FBXL7: variants seen among roughly 807,000 people sequenced by gnomAD.
The protein encoded by FBXL7 is F-box/LRR-repeat protein 7.
In FBXL7, 12 loss-of-function variants were observed where a neutral mutation model predicts 38.3. That is an observed-to-expected ratio of 0.31 (90% CI 0.20 to 0.51). The LOEUF (loss-of-function observed/expected upper bound fraction) is 0.51, where lower values mean the gene tolerates loss of function less well. Ranked by LOEUF, FBXL7 falls within the 20% of genes least tolerant of loss-of-function variation. The pLI is 0.98. For synonymous variants in FBXL7, 297 were observed against 300.9 expected, an observed-to-expected ratio of 0.99 and a Z score of 0.13; for missense variants, 567 against 676.4, an observed-to-expected ratio of 0.84 and a Z score of 1.79.
chr5:15,669,247 G>C (rs1276188996), intron 2 of FBXL7, among the ~76,000 whole-genome samples: 1 of 152,114 alleles, frequency 6.6e-6, no homozygotes, highest in Non-Finnish European at 1.5e-5. Flanking sequence ...TCTTATTGAG[G>C]TATGATTGAC....
chr5:15,665,120 G>T (rs997705356), intron 2 of FBXL7, among the ~76,000 whole-genome samples: 2 of 152,144 alleles, frequency 1.3e-5, no homozygotes, highest in South Asian at 4.1e-4. Context: ...ATAAAAGAGA[G>T]ATTCAGGGAA....
intron 2 of FBXL7, among the ~76,000 whole-genome samples, chr5:15,759,271 G>T (rs1340926238): frequency 6.6e-6 from 1 of 152,070 alleles, no homozygotes; most frequent in African/African-American, 2.4e-5. Context: ...AAATGAAAAA[G>T]TGTAAATAGT....
At chr5:15,763,387 G>T (rs1407838812) in intron 2 of FBXL7, among the ~76,000 whole-genome samples, 1 of 152,184 alleles carries the variant, frequency 6.6e-6, no homozygotes, top group African/African-American at 2.4e-5. Flanking sequence ...ACATAAATAA[G>T]TGTGTTAGAA....
intron 2 of FBXL7, among the ~76,000 whole-genome samples, chr5:15,730,952 C>G (rs1468604536): frequency 2.6e-5 from 4 of 152,120 alleles, no homozygotes; most frequent in Non-Finnish European, 5.9e-5. Context: ...AACTCCATGC[C>G]TATCATGAAG....
At chr5:15,555,180 G>A (rs998253623) in intron 1 of FBXL7, among the ~76,000 whole-genome samples, 3 of 152,120 alleles carry the variant, frequency 2.0e-5, no homozygotes, top group Admixed American at 6.5e-5. Context: ...ACTCACACAT[G>A]TGTGCACGCA....
intron 1 of FBXL7, among the ~76,000 whole-genome samples, chr5:15,516,787 G>T (rs561393783): frequency 1.4e-4 from 22 of 152,214 alleles, no homozygotes; most frequent in African/African-American, 4.6e-4. Flanking sequence ...TTTATAAGGA[G>T]CTCTTCCCCC....
chr5:15,664,050 T>C (rs1377476235), intron 2 of FBXL7, among the ~76,000 whole-genome samples: 1 of 152,204 alleles, frequency 6.6e-6, no homozygotes, highest in Non-Finnish European at 1.5e-5. Context: ...TTTCTTGCCC[T>C]CCTTTGGATT....
intron 2 of FBXL7, among the ~76,000 whole-genome samples, chr5:15,721,997 G>A (rs1744207651): frequency 6.6e-6 from 1 of 152,008 alleles, no homozygotes; most frequent in South Asian, 2.1e-4. Flanking sequence ...ACCACAGTCG[G>A]CTAATTTTTC....
intron 2 of FBXL7, among the ~76,000 whole-genome samples, chr5:15,660,227 G>C (rs1451103402): frequency 6.6e-6 from 1 of 152,200 alleles, no homozygotes; most frequent in African/African-American, 2.4e-5. Flanking sequence ...TAAGTTTCCT[G>C]CTTCTTTCTC....
intron 1 of FBXL7, among the ~76,000 whole-genome samples, chr5:15,608,852 T>C (rs1345870558): frequency 6.6e-6 from 1 of 152,144 alleles, no homozygotes; most frequent in African/African-American, 2.4e-5. Context: ...ATATGTAACC[T>C]CCATTGGTTC....
chr5:15,508,049 A>G lies in FBXL7; in HGVS notation c.37+7336A>G, dbSNP rs191147207. ...CAAGAGCAAGAATCCATCTCAAAAA[A>G]CATATATATCTTAAGTCAAAAATGC... is the stretch of plus-strand genomic sequence containing the variant. On this transcript the variant is annotated intron_variant, in intron 1 of 3. Transcript: ENST00000504595. Among the ~76,000 whole-genome samples, 306 of 152,244 alleles carry G rather than the reference A, an allele frequency of 2.0e-3. 1 individual carries two copies. The highest frequency in any genetic ancestry group is 4.0e-3 in the Admixed American group (61 of 15,292).
intron 2 of FBXL7, among the ~76,000 whole-genome samples, chr5:15,701,694 A>C (rs1217059474): frequency 6.6e-6 from 1 of 152,204 alleles, no homozygotes; most frequent in Non-Finnish European, 1.5e-5. Flanking sequence ...TCATGCAATA[A>C]AAAAATGCAT....
intron 2 of FBXL7, among the ~76,000 whole-genome samples, chr5:15,864,570 C>T (rs1282210451): frequency 1.3e-5 from 2 of 151,546 alleles, no homozygotes; most frequent in Admixed American, 6.6e-5. Flanking sequence ...TTGAGGACTG[C>T]GAGGTGCTAA....
rs1738274667 is a variant in FBXL7, at chr5:15,825,058, GT to G, written c.128-102826del. ...ACATGAGATATTATAAACTCAATGGGTTTTTTATTTTAAGCCAAAGTAAATA... is the reference window on the plus strand; with the variant it reads ...ACATGAGATATTATAAACTCAATGGGTTTTTATTTTAAGCCAAAGTAAATA... On this transcript the variant is annotated intron_variant, in intron 2 of 3. Transcript: ENST00000504595. Among the ~76,000 whole-genome samples, 3 of 152,172 alleles carry G rather than the reference GT, an allele frequency of 2.0e-5. 1 individual carries two copies. The South Asian group carries it at 6.2e-4, about 32-fold the overall frequency.
intron 1 of FBXL7, among the ~76,000 whole-genome samples, chr5:15,592,665 A>G (rs1739517424): frequency 6.6e-6 from 1 of 152,220 alleles, no homozygotes; most frequent in African/African-American, 2.4e-5. Context: ...CGGGCTTATC[A>G]GAGGGAGGAG....
chr5:15,678,227 A>C (rs1373968544), intron 2 of FBXL7, among the ~76,000 whole-genome samples: 1 of 152,144 alleles, frequency 6.6e-6, no homozygotes, highest in African/African-American at 2.4e-5. Flanking sequence ...ATCAAAATTA[A>C]ATTAATCCTC....
chr5:15,726,142 T>C (rs1173008673), intron 2 of FBXL7, among the ~76,000 whole-genome samples: 1 of 152,238 alleles, frequency 6.6e-6, no homozygotes, highest in African/African-American at 2.4e-5. Flanking sequence ...ACCTTTGACT[T>C]AAAGTATATT....
At chr5:15,849,284 G>A (rs993804359) in intron 2 of FBXL7, among the ~76,000 whole-genome samples, 1 of 152,190 alleles carries the variant, frequency 6.6e-6, no homozygotes, top group African/African-American at 2.4e-5. Flanking sequence ...CATTGCATCT[G>A]AAAGAGATCC....
At chr5:15,734,768 A>G (rs1735703016) in intron 2 of FBXL7, among the ~76,000 whole-genome samples, 1 of 152,228 alleles carries the variant, frequency 6.6e-6, no homozygotes, top group Non-Finnish European at 1.5e-5. Context: ...AAAGCATGAG[A>G]GAAGTATTCA....
Sources: gnomAD v4.1 joint callset for allele counts (sites outside exome capture counted in the v4.1 genomes callset) on GRCh38, gnomAD v4.1.1 for gene constraint, MANE v1.5 for transcripts, NCBI Gene and HGNC (gene_info 2026-07-23, HGNC 2026-07-21) for gene names.